COL23A1: variants seen among roughly 807,000 people sequenced by gnomAD.
COL23A1 encodes the protein collagen type XXIII alpha 1 chain.
COL23A1 carries 97 observed loss-of-function variants against 99.3 expected under a neutral mutation model. That is an observed-to-expected ratio of 0.98 (90% CI 0.83 to 1.16). COL23A1 has a LOEUF of 1.16. Among genes scored for constraint, COL23A1 ranks in the 50% most tolerant of loss-of-function variants. COL23A1 has a pLI of 0.00. For missense variants in COL23A1, 762 were observed against 757.4 expected, an observed-to-expected ratio of 1.01 and a Z score of -0.07; for synonymous variants, 320 against 308.2, an observed-to-expected ratio of 1.04 and a Z score of -0.40.
intron 2 of COL23A1, among the ~76,000 whole-genome samples, chr5:178,390,259 A>G (rs1000934636): frequency 1.3e-5 from 2 of 152,248 alleles, no homozygotes; most frequent in Non-Finnish European, 2.9e-5. Context: ...ACTTGCAGGA[A>G]GAACAGGCAT....
intron 2 of COL23A1, among the ~76,000 whole-genome samples, chr5:178,448,415 C>A (rs548093137): frequency 1.5e-3 from 219 of 149,972 alleles, no homozygotes; most frequent in Non-Finnish European, 2.0e-3. Flanking sequence ...TAGTCGCAGT[C>A]CGTTTTGTTC....
intron 5 of COL23A1, among the ~76,000 whole-genome samples, chr5:178,276,117 C>T (rs1487616013): frequency 6.6e-6 from 1 of 152,140 alleles, no homozygotes; most frequent in Non-Finnish European, 1.5e-5. Context: ...TATGGTGGCT[C>T]CATCCCTGGA....
intron 2 of COL23A1, among the ~76,000 whole-genome samples, chr5:178,418,705 G>T (rs1765440655): frequency 6.9e-6 from 1 of 145,014 alleles, no homozygotes; most frequent in Admixed American, 6.7e-5. Flanking sequence ...GCAGGCTGGA[G>T]ATGGAGAGGA....
At chr5:178,573,680 C>T (rs899380357) in intron 1 of COL23A1, among the ~76,000 whole-genome samples, 2 of 152,082 alleles carry the variant, frequency 1.3e-5, no homozygotes, top group Non-Finnish European at 2.9e-5. Flanking sequence ...TAACCCAATA[C>T]TGGAAACAAC....
intron 2 of COL23A1, among the ~76,000 whole-genome samples, chr5:178,324,588 C>T (rs1392581378): frequency 6.6e-6 from 1 of 152,184 alleles, no homozygotes; most frequent in Non-Finnish European, 1.5e-5. Context: ...ACCTCCCAGG[C>T]AGAAGCCACC....
intron 18 of COL23A1, among the ~76,000 whole-genome samples, chr5:178,249,803 T>C (rs1231900373): frequency 6.9e-6 from 1 of 144,828 alleles, no homozygotes; most frequent in African/African-American, 2.6e-5. Context: ...TTTCACCACA[T>C]GCCAGGCACT....
At chr5:178,484,445 C>T (rs1203002088) in intron 2 of COL23A1, among the ~76,000 whole-genome samples, 2 of 152,186 alleles carry the variant, frequency 1.3e-5, no homozygotes, top group African/African-American at 2.4e-5. Flanking sequence ...ATCCTAGGAT[C>T]CTCATGCAAG....
intron 8 of COL23A1, chr5:178,265,550 C>G: frequency 2.4e-6 from 1 of 415,354 alleles, no homozygotes; most frequent in Non-Finnish European, 3.2e-6. Context: ...CCTGCCTGCT[C>G]CTCCCTCAGG....
At position 178,442,536 on chromosome 5, in the gene COL23A1, C is replaced by T. The variant is rs972467982; in HGVS notation, c.361+118146G>A. Among the ~76,000 whole-genome samples, 5 of 152,192 alleles carry T rather than the reference C, an allele frequency of 3.3e-5. No homozygotes were observed. The South Asian group carries it at 1.0e-3, about 32-fold the overall frequency. On this transcript the variant is annotated intron_variant, in intron 2 of 28. Transcript: ENST00000390654. ...GTCTCCCTCCCTGACAGCTGGGGTC[C>T]CAGTCTGCCATTCGGGGAGCACCAG...
At chr5:178,367,518 CT>C (rs1231659343) in intron 2 of COL23A1, among the ~76,000 whole-genome samples, 1 of 152,170 alleles carries the variant, frequency 6.6e-6, no homozygotes, top group African/African-American at 2.4e-5. Flanking sequence ...GCTGCAACAT[CT>C]GGCCTCACCA....
rs114277577 is a variant in COL23A1, at chr5:178,371,243, G to A, written c.362-64324C>T. On this transcript the variant is annotated intron_variant, in intron 2 of 28. Transcript: ENST00000390654. ...TTGATGAGGAGTTAGACCCTGAAAC[G>A]CACATCCAAATATCTCCACTTCCCT... 2.3e-3 allele frequency among the ~76,000 whole-genome samples: 347 copies of A among 152,268 alleles called. 2 individuals carry two copies. Among genetic ancestry groups the A allele is most frequent in the African/African-American group, 8.0e-3 (333 of 41,534 alleles).
At position 178,288,032 on chromosome 5, in the gene COL23A1, C is replaced by T. The variant is rs137921205; in HGVS notation, c.441+292G>A. Among the ~76,000 whole-genome samples, 36 of 152,322 alleles carry T rather than the reference C, an allele frequency of 2.4e-4. 1 individual carries two copies. The East Asian group carries it at 6.6e-3, about 28-fold the overall frequency. ...CCCTCCAGTGGAGCACGCCACAGTG[C>T]GGGGGCTGGACTGTTGGCTCTTGGC... On this transcript the variant is annotated intron_variant, in intron 5 of 28. Transcript: ENST00000390654.
chr5:178,316,640 G>C (rs72820915), intron 2 of COL23A1, among the ~76,000 whole-genome samples: 1 of 152,018 alleles, frequency 6.6e-6, no homozygotes, highest in Non-Finnish European at 1.5e-5. Context: ...CTAGGAAGAG[G>C]GATCTTGTTT....
At chr5:178,581,369 C>T (rs931209912) in intron 1 of COL23A1, among the ~76,000 whole-genome samples, 14 of 152,178 alleles carry the variant, frequency 9.2e-5, no homozygotes, top group Non-Finnish European at 1.6e-4. Context: ...AGTTCAAGAC[C>T]ATCCTGGCCA....
chr5:178,365,449 C>G lies in COL23A1; in HGVS notation c.362-58530G>C, dbSNP rs2127712354. ...GCATTTCAGGTCTGACGGGTACCCG[C>G]CACCCAATCCCTCTTTCTTTTGACG... is the stretch of plus-strand genomic sequence containing the variant. On this transcript the variant is annotated intron_variant, in intron 2 of 28. Transcript: ENST00000390654. The surrounding 1 kb of genome is among the most constrained non-coding windows in gnomAD (Gnocchi z 5.2). Among the ~76,000 whole-genome samples, 1 of 152,016 alleles carries G rather than the reference C, an allele frequency of 6.6e-6. No homozygotes were observed. Among genetic ancestry groups the G allele is most frequent in the South Asian group, 2.1e-4 (1 of 4,814 alleles).
At chr5:178,259,819 T>C (rs2127550232) in intron 11 of COL23A1, 72 bp from the exon 12 acceptor site, 3 of 1,426,884 alleles carry the variant, frequency 2.1e-6, no homozygotes, top group Middle Eastern at 1.8e-4. Context: ...CCGGACCTCT[T>C]GTTCCTCGGG....
intron 2 of COL23A1, among the ~76,000 whole-genome samples, chr5:178,479,525 T>C (rs1020908894): frequency 1.3e-5 from 2 of 152,150 alleles, no homozygotes; most frequent in Admixed American, 6.5e-5. Context: ...GGAAGACACA[T>C]GGCTCCTTCA....
chr5:178,327,650 G>A (rs533662965), intron 2 of COL23A1, among the ~76,000 whole-genome samples: 1 of 152,246 alleles, frequency 6.6e-6, no homozygotes, highest in East Asian at 1.9e-4. Context: ...GCGCAGCAGA[G>A]CCCACGTGCT....
At chr5:178,493,662 T>C (rs1345553847) in intron 2 of COL23A1, among the ~76,000 whole-genome samples, 6 of 152,100 alleles carry the variant, frequency 3.9e-5, no homozygotes, top group East Asian at 1.9e-4. Flanking sequence ...AAGGAAAGAG[T>C]TTTCTCTGTT....
Sources: allele counts gnomAD v4.1 joint callset (sites outside exome capture counted in the v4.1 genomes callset), GRCh38; gene constraint gnomAD v4.1.1; non-coding constraint Gnocchi (gnomAD v3.1); transcripts MANE v1.5; gene names NCBI Gene and HGNC (gene_info 2026-07-23, HGNC 2026-07-21).